CMTM4: variants seen among roughly 807,000 people sequenced by gnomAD.
CMTM4 encodes CKLF like MARVEL transmembrane domain containing 4, also known as CKLF-like MARVEL transmembrane domain-containing protein 4.
In CMTM4, 8 loss-of-function variants were observed where a neutral mutation model predicts 19.0. The observed-to-expected ratio is 0.42, with a 90% confidence interval of 0.25 to 0.76. The LOEUF (loss-of-function observed/expected upper bound fraction) is 0.76, where lower values mean the gene tolerates loss of function less well. Ranked by LOEUF, CMTM4 falls within the 30% of genes least tolerant of loss-of-function variation. The pLI is 0.27. For synonymous variants in CMTM4, 106 were observed against 121.1 expected, an observed-to-expected ratio of 0.88 and a Z score of 0.82; for missense variants, 228 against 290.2, an observed-to-expected ratio of 0.79 and a Z score of 1.56.
At position 66,692,906 on chromosome 16, in the gene CMTM4, C is replaced by CA. The variant is rs200187109; in HGVS notation, c.186+3433dup. Among the ~76,000 whole-genome samples, 629 of 114,006 alleles carry CA rather than the reference C, an allele frequency of 5.5e-3. 4 individuals are homozygous for CA. The Middle Eastern group carries it at 0.06, about 11-fold the overall frequency. 74.8% of individuals were successfully genotyped at this position (114,006 alleles called of 152,430 possible). A position where few individuals can be genotyped will look rare whatever the true frequency, so the allele number is the denominator to read the frequency against. On this transcript the variant is annotated intron_variant, in intron 1 of 3. Coordinates refer to ENST00000394106, the MANE Select transcript of CMTM4 (RefSeq NM_181521.3). ...TGGGTGACAGAGCAAGACTCCATCT[C>CA]AAAAAAAAAAAAAAATCTAAAAAAA...
chr16:66,626,326 A>G (rs960480771), intron 2 of CMTM4, among the ~76,000 whole-genome samples: 2 of 152,188 alleles, frequency 1.3e-5, no homozygotes, highest in African/African-American at 4.8e-5. Flanking sequence ...AGCTGTGGCC[A>G]GGCGTGGTGG....
At chr16:66,669,311 T>C (rs536504577) in intron 1 of CMTM4, among the ~76,000 whole-genome samples, 1 of 152,286 alleles carries the variant, frequency 6.6e-6, no homozygotes, top group Admixed American at 6.5e-5. Flanking sequence ...TTGCCAAGAA[T>C]TGGATGTAAC....
chr16:66,603,850 T>C, the CMTM4 span: 1 of 150,808 alleles, frequency 6.6e-6, no homozygotes, highest in Admixed American at 6.6e-5. Flanking sequence ...TTATAGGAGG[T>C]GAAAGTGGGA....
chr16:66,626,709 G>C (rs964653024), intron 2 of CMTM4, among the ~76,000 whole-genome samples: 21 of 151,918 alleles, frequency 1.4e-4, no homozygotes, highest in African/African-American at 5.1e-4. Context: ...GGCAGAGGTT[G>C]CTGTGAGCCC....
At chr16:66,623,804 T>C (rs2015683404) in intron 2 of CMTM4, among the ~76,000 whole-genome samples, 1 of 152,212 alleles carries the variant, frequency 6.6e-6, no homozygotes, top group South Asian at 2.1e-4. Context: ...TGCCATCTTT[T>C]AAAAACCACA....
chr16:66,690,342 G>A (rs889233586), intron 1 of CMTM4, among the ~76,000 whole-genome samples: 1 of 152,198 alleles, frequency 6.6e-6, no homozygotes, highest in Non-Finnish European at 1.5e-5. Context: ...CAGCTCTTAC[G>A]AATCAGGAAC....
chr16:66,604,396 G>T, the CMTM4 span: 12 of 160,304 alleles, frequency 7.5e-5, no homozygotes, highest in East Asian at 2.0e-3. Context: ...TAGACGCCTG[G>T]GTTCCCGGAT....
intron 1 of CMTM4, among the ~76,000 whole-genome samples, chr16:66,647,119 T>C (rs1211447150): frequency 7.0e-6 from 1 of 142,400 alleles, no homozygotes; most frequent in African/African-American, 2.7e-5. Context: ...ATCAAGACTA[T>C]CCTGGCTAAT....
chr16:66,670,517 T>C (rs1275542165), intron 1 of CMTM4, among the ~76,000 whole-genome samples: 2 of 150,804 alleles, frequency 1.3e-5, no homozygotes, highest in Non-Finnish European at 2.9e-5. Flanking sequence ...AAAGTAATAA[T>C]GTAGCCAGGC....
the CMTM4 span, chr16:66,604,439 G>C: frequency 6.8e-5 from 12 of 177,612 alleles, no homozygotes; most frequent in African/African-American, 2.8e-4. Flanking sequence ...AAGTTAGACC[G>C]GAGACAGCGA....
chr16:66,604,733 C>A, the CMTM4 span: 1 of 1,145,762 alleles, frequency 8.7e-7, no homozygotes, highest in African/African-American at 1.6e-5. Flanking sequence ...CCGCACAGCC[C>A]GGGTTTCCGC....
At chr16:66,658,591 T>C (rs894689485) in intron 1 of CMTM4, among the ~76,000 whole-genome samples, 2 of 152,096 alleles carry the variant, frequency 1.3e-5, no homozygotes, top group South Asian at 2.1e-4. Flanking sequence ...GATACCCACA[T>C]TGGGCTCTAG....
intron 1 of CMTM4, among the ~76,000 whole-genome samples, chr16:66,660,735 T>C (rs1435393504): frequency 2.0e-5 from 3 of 152,180 alleles, no homozygotes; most frequent in Non-Finnish European, 4.4e-5. Flanking sequence ...AATAAAAAAA[T>C]AACTGCAAGC....
intron 1 of CMTM4, among the ~76,000 whole-genome samples, chr16:66,683,156 T>TAC (rs1567432090): frequency 7.1e-4 from 88 of 123,600 alleles, no homozygotes; most frequent in African/African-American, 2.5e-3. Context: ...TGTATATATA[T>TAC]ATACGTATAT....
chr16:66,684,868 CCT>C (rs2017004646), intron 1 of CMTM4, among the ~76,000 whole-genome samples: 1 of 152,128 alleles, frequency 6.6e-6, no homozygotes, highest in South Asian at 2.1e-4. Context: ...AAGCCATCCC[CCT>C]GAGCAGGGGT....
intron 1 of CMTM4, among the ~76,000 whole-genome samples, chr16:66,684,361 G>A (rs185177311): frequency 1.2e-3 from 177 of 152,164 alleles, no homozygotes; most frequent in African/African-American, 4.1e-3. Context: ...ATTTTTAGTA[G>A]AGACTGGGTT....
intron 1 of CMTM4, among the ~76,000 whole-genome samples, chr16:66,668,339 C>T (rs2144875452): frequency 6.6e-6 from 1 of 152,164 alleles, no homozygotes; most frequent in Non-Finnish European, 1.5e-5. Context: ...ATGCTTGATT[C>T]TATACAAACT....
intron 1 of CMTM4, among the ~76,000 whole-genome samples, chr16:66,694,408 T>C (rs1260858947): frequency 6.6e-6 from 1 of 152,078 alleles, no homozygotes; most frequent in Non-Finnish European, 1.5e-5. Flanking sequence ...GCTAGCTGCC[T>C]CTTTTAAAAG....
chr16:66,658,387 AC>A (rs142433564), intron 1 of CMTM4, among the ~76,000 whole-genome samples: 3,767 of 152,238 alleles, frequency 0.025, 159 homozygotes, highest in African/African-American at 0.087. Context: ...AACCAAAAAA[AC>A]ATTCTTTTTC....
Sources: allele counts gnomAD v4.1 joint callset (sites outside exome capture counted in the v4.1 genomes callset), GRCh38; gene constraint gnomAD v4.1.1; transcripts MANE v1.5; gene names NCBI Gene and HGNC (gene_info 2026-07-23, HGNC 2026-07-21).